The following TDRD10 variants were observed in gnomAD, a reference collection of about 807,000 sequenced individuals.
The protein encoded by TDRD10 is tudor domain-containing protein 10.
A neutral mutation model predicts 48.0 loss-of-function variants in TDRD10; 40 were observed. The ratio of observed to expected loss-of-function variants is 0.83; its 90% CI spans 0.65 to 1.09. The LOEUF is 1.09. Among genes scored for constraint, TDRD10 ranks in the 50% least tolerant of loss-of-function variants. The pLI is 0.00. For synonymous variants in TDRD10, 162 were observed against 170.4 expected (o/e 0.95, Z 0.38); for missense variants, 378 against 434.7 (o/e 0.87, Z 1.16).
chr1:154,514,714 G>T (rs1376925340), intron 4 of TDRD10, among the ~76,000 whole-genome samples: 1 of 151,926 alleles, frequency 6.6e-6, no homozygotes, highest in Non-Finnish European at 1.5e-5. Flanking sequence ...TTGAGACAGG[G>T]TCTTGCTCTG....
chr1:154,521,269 C>G, intron 5 of TDRD10, 54 bp from the exon 6 acceptor site: 1 of 1,593,452 alleles, frequency 6.3e-7, no homozygotes, highest in South Asian at 1.1e-5. Context: ...CCCTGCAGCT[C>G]TGGGCTTCTC....
chr1:154,525,426 C>T (rs914914669), intron 6 of TDRD10, among the ~76,000 whole-genome samples: 5 of 152,054 alleles, frequency 3.3e-5, no homozygotes, highest in Admixed American at 3.3e-4. Context: ...AACTTAAAAA[C>T]ACTTAGAACT....
intron 6 of TDRD10, among the ~76,000 whole-genome samples, chr1:154,522,259 G>C (rs767128222): frequency 3.3e-5 from 5 of 152,144 alleles, no homozygotes; most frequent in African/African-American, 7.2e-5. Flanking sequence ...CCTCTTAAAA[G>C]GTGCATTTTC....
intron 4 of TDRD10, among the ~76,000 whole-genome samples, chr1:154,509,433 G>A (rs1693322270): frequency 6.6e-6 from 1 of 152,140 alleles, no homozygotes; most frequent in African/African-American, 2.4e-5. Context: ...TTGTAACTCT[G>A]GGTGGTGGTA....
At chr1:154,534,182 T>G (rs1326676388) in intron 6 of TDRD10, among the ~76,000 whole-genome samples, 1 of 152,036 alleles carries the variant, frequency 6.6e-6, no homozygotes, top group Non-Finnish European at 1.5e-5. Flanking sequence ...AGCAGCAGAG[T>G]GGACTCATGA....
At chr1:154,545,765 CTAAG>C (rs1695515769) in intron 11 of TDRD10, among the ~76,000 whole-genome samples, 2 of 144,546 alleles carry the variant, frequency 1.4e-5, no homozygotes, top group African/African-American at 5.1e-5. Flanking sequence ...TATAGACAAA[CTAAG>C]TCTTTTTTTT....
chr1:154,512,982 C>T (rs988246273), intron 4 of TDRD10, among the ~76,000 whole-genome samples: 3 of 151,926 alleles, frequency 2.0e-5, no homozygotes, highest in African/African-American at 4.8e-5. Flanking sequence ...GCCTAGTGGC[C>T]GGGAGAGATG....
chr1:154,532,278 C>T (rs1456667715), intron 6 of TDRD10, among the ~76,000 whole-genome samples: 1 of 152,214 alleles, frequency 6.6e-6, no homozygotes, highest in Non-Finnish European at 1.5e-5. Flanking sequence ...TCAAGCGCAG[C>T]ACCAGTGGGC....
At chr1:154,533,353 GTTTTTT>G (rs75204432) in intron 6 of TDRD10, among the ~76,000 whole-genome samples, 1 of 134,436 alleles carries the variant, frequency 7.4e-6, no homozygotes, top group African/African-American at 2.8e-5. Flanking sequence ...CTTTTGTTGG[GTTTTTT>G]TTTTTTTTTT....
intron 6 of TDRD10, among the ~76,000 whole-genome samples, chr1:154,524,907 GA>G (rs1446110701): frequency 1.3e-5 from 2 of 152,204 alleles, no homozygotes; most frequent in African/African-American, 4.8e-5. Flanking sequence ...ACCTGAGGCA[GA>G]CACCTAGATT....
chr1:154,544,138 G>C, intron 9 of TDRD10, 28 bp downstream of exon 9: 3 of 1,613,834 alleles, frequency 1.9e-6, no homozygotes, highest in Non-Finnish European at 1.7e-6. Flanking sequence ...GCCCCCTCAG[G>C]CTCCTGTGCC....
chr1:154,508,560 C>G (rs1693275555), intron 4 of TDRD10, 79 bp downstream of exon 4: 1 of 980,318 alleles, frequency 1.0e-6, no homozygotes, highest in Non-Finnish European at 1.6e-6. Context: ...AACTTAATTT[C>G]CCCAGTTTTT....
intron 11 of TDRD10, 85 bp from the exon 12 acceptor site, chr1:154,547,324 C>A: frequency 6.8e-7 from 1 of 1,473,472 alleles, no homozygotes. Context: ...ACTTTCCCTG[C>A]AGCCCCCGCC....
At chr1:154,546,984 G>A (rs1250645841) in intron 11 of TDRD10, among the ~76,000 whole-genome samples, 1 of 152,070 alleles carries the variant, frequency 6.6e-6, no homozygotes, top group Non-Finnish European at 1.5e-5. Flanking sequence ...GGAAAGGTGG[G>A]TTTTTGATGA....
In TDRD10 at chr1:154,512,155, C is replaced by T. The variant is rs531375808; in HGVS notation, c.141+3674C>T. On this transcript the variant is annotated intron_variant, in intron 4 of 12. Transcript: ENST00000368482. ...ATACTCATTAGCGGTCCTTTGCCTT[C>T]GCCCTTCCTCCCAGCCCCTGGTAAC... Among the ~76,000 whole-genome samples, 17 of 152,274 alleles carry T rather than the reference C, an allele frequency of 1.1e-4. 1 individual carries two copies. Among genetic ancestry groups the T allele is most frequent in the South Asian group, 2.1e-4 (1 of 4,822 alleles).
intron 6 of TDRD10, among the ~76,000 whole-genome samples, chr1:154,539,777 G>T (rs1695123713): frequency 1.3e-5 from 2 of 152,328 alleles, no homozygotes; most frequent in African/African-American, 4.8e-5. Flanking sequence ...AGTGGTAAAA[G>T]AGACAAACAA....
chr1:154,510,363 C>T (rs1416238020), intron 4 of TDRD10, among the ~76,000 whole-genome samples: 2 of 152,030 alleles, frequency 1.3e-5, no homozygotes, highest in South Asian at 2.1e-4. Context: ...GAGGCTGAGG[C>T]GGGCAAATCA....
chr1:154,505,484 A>G (rs1003397850), intron 1 of TDRD10, among the ~76,000 whole-genome samples: 2 of 152,184 alleles, frequency 1.3e-5, no homozygotes, highest in Non-Finnish European at 2.9e-5. Flanking sequence ...TATCTGAACT[A>G]CTTTTAGTTC....
chr1:154,528,634 C>T (rs916309491), intron 6 of TDRD10, among the ~76,000 whole-genome samples: 12 of 145,596 alleles, frequency 8.2e-5, no homozygotes, highest in Non-Finnish European at 1.8e-4. Context: ...GCCTGGCCAA[C>T]ATGGTGAAAC....
Sources: allele counts gnomAD v4.1 joint callset (sites outside exome capture counted in the v4.1 genomes callset), GRCh38; gene constraint gnomAD v4.1.1; transcripts MANE v1.5; gene names NCBI Gene and HGNC (gene_info 2026-07-23, HGNC 2026-07-21).